Variants in SUCO observed in about 807,000 individuals in gnomAD.
SUCO encodes the protein SUN domain-containing ossification factor.
SUCO carries 57 observed loss-of-function variants against 148.1 expected under a neutral mutation model. That is an observed-to-expected ratio of 0.38 (90% confidence interval 0.31 to 0.48). SUCO has a LOEUF of 0.48. Ranked by LOEUF, SUCO falls within the 20% of genes least tolerant of loss-of-function variation. The pLI is 0.96. For missense variants in SUCO, 1,331 were observed against 1,468.2 expected, an observed-to-expected ratio of 0.91 and a Z score of 1.53; for synonymous variants, 470 against 502.7, an observed-to-expected ratio of 0.93 and a Z score of 0.87.
intron 6 of SUCO, among the ~76,000 whole-genome samples, chr1:172,559,701 G>A (rs1654002315): frequency 6.6e-6 from 1 of 152,154 alleles, no homozygotes; most frequent in Non-Finnish European, 1.5e-5. Context: ...AATTTCTAGG[G>A]AAAAGGTGGT....
Position 172,590,778 on chromosome 1 carries a change from A to G in SUCO, c.2826-206A>G, listed in dbSNP as rs76396942. ...CCCATACCTGCTCTTACTTTTCCCTACCTCCATCTGCATCCCAAGGGAACC... is the reference window on the plus strand; with the variant it reads ...CCCATACCTGCTCTTACTTTTCCCTGCCTCCATCTGCATCCCAAGGGAACC... On this transcript the variant is annotated intron_variant, in intron 18 of 23. Coordinates refer to ENST00000263688, the MANE Select transcript of SUCO (RefSeq NM_014283.5). Among the ~76,000 whole-genome samples, 581 of 152,046 alleles carry G rather than the reference A, an allele frequency of 3.8e-3. 3 individuals carry two copies. Among genetic ancestry groups the G allele is most frequent in the African/African-American group, 0.013 (534 of 41,438 alleles).
chr1:172,545,817 C>T (rs2149222007), intron 1 of SUCO, among the ~76,000 whole-genome samples: 1 of 152,294 alleles, frequency 6.6e-6, no homozygotes, highest in Middle Eastern at 3.4e-3. Context: ...TATTTCAGTT[C>T]CTCCTAATAA....
At position 172,539,212 on chromosome 1, in the gene SUCO, T is replaced by G. The variant is rs570432409; in HGVS notation, c.62+5715T>G. On this transcript the variant is annotated intron_variant, in intron 1 of 23. Transcript: ENST00000263688. ...GGAAACTTATAAAAATTTAAGTGCTTTATTATTCTCAAGTCATCTTCAAAT... is the reference window on the plus strand; with the variant it reads ...GGAAACTTATAAAAATTTAAGTGCTGTATTATTCTCAAGTCATCTTCAAAT... Among the ~76,000 whole-genome samples, 173 of 152,330 alleles carry G rather than the reference T, an allele frequency of 1.1e-3. 2 individuals carry two copies. Among genetic ancestry groups the G allele is most frequent in the Non-Finnish European group, 1.9e-3 (130 of 68,018 alleles).
At chr1:172,561,328 G>T (rs1409229556) in intron 6 of SUCO, among the ~76,000 whole-genome samples, 1 of 152,142 alleles carries the variant, frequency 6.6e-6, no homozygotes, top group Non-Finnish European at 1.5e-5. Context: ...GTAAGGGTTT[G>T]GGTATTTCAG....
At chr1:172,596,270 G>T (rs1273131822) in intron 19 of SUCO, among the ~76,000 whole-genome samples, 1 of 152,210 alleles carries the variant, frequency 6.6e-6, no homozygotes, top group East Asian at 1.9e-4. Context: ...GTTGTCTGAA[G>T]CCTACTTCTG....
chr1:172,574,110 G>A (rs1258747718), intron 10 of SUCO, 112 bp downstream of exon 10: 2 of 652,434 alleles, frequency 3.1e-6, no homozygotes, highest in Non-Finnish European at 5.3e-6. Flanking sequence ...ATTTTTTAAA[G>A]GTCAGTTTGT....
chr1:172,541,905 C>CTGTT (rs971539247), intron 1 of SUCO: 40 of 920,644 alleles, frequency 4.3e-5, no homozygotes, highest in Non-Finnish European at 4.8e-5. Context: ...TGTTTGTTTT[C>CTGTT]TGTTTGTTTG....
chr1:172,557,721 A>G lies in SUCO; in HGVS notation c.659A>G (p.Lys220Arg). 3.7e-6 allele frequency: 6 copies of G among 1,613,206 alleles called. No homozygotes were observed. Among genetic ancestry groups the G allele is most frequent in the Middle Eastern group, 1.7e-4 (1 of 6,002 alleles). Residue 220 changes from lysine (K) to arginine (R), a missense_variant, in exon 6 of 24, where the codon AAA becomes AGA. Transcript: ENST00000263688. ...GKITKSEFES[K>R]VSASEQGGGD... ...ATAACAAAATCAGAATTTGAATCAA[A>G]AGTTTCAGCAAGTGAACAGGGCGGT... is the stretch of plus-strand genomic sequence containing the variant.
Position 172,589,677 on chromosome 1 carries a change from C to G in SUCO, c.2576C>G (p.Ser859Cys), listed in dbSNP as rs1421944276. The part of the protein sequence containing the change: ...AKQTLISVVD[S>C]SSLPEVKEEE... The stretch of plus-strand genomic sequence containing the variant: ...CAAACTTTGATTTCTGTTGTGGATT[C>G]TTCTTCATTACCTGAAGTAAAAGAA... Residue 859 changes from serine (S) to cysteine (C), a missense_variant, in exon 18 of 24, where the codon TCT becomes TGT. Ser to Cys is a moderately radical substitution (Grantham distance 112, BLOSUM62 -1). Transcript: ENST00000263688. 6.2e-7 allele frequency: 1 copy of G among 1,613,830 alleles called. No individual in the cohort carries two copies. Among genetic ancestry groups the G allele is most frequent in the Non-Finnish European group, 8.5e-7 (1 of 1,179,848 alleles).
intron 17 of SUCO, among the ~76,000 whole-genome samples, chr1:172,587,591 A>G (rs966716022): frequency 2.0e-5 from 3 of 152,124 alleles, no homozygotes; most frequent in African/African-American, 7.2e-5. Context: ...ATATATGGCT[A>G]TAAATATCTT....
At chr1:172,552,565 T>A in intron 2 of SUCO, 1 of 896,356 alleles carries the variant, frequency 1.1e-6, no homozygotes, top group Non-Finnish European at 1.3e-6. Flanking sequence ...TTTGGGCATA[T>A]TTAGAGTGGA....
At chr1:172,592,860 T>C (rs111964238) in intron 19 of SUCO, among the ~76,000 whole-genome samples, 7,536 of 152,222 alleles carry the variant, frequency 0.05, 577 homozygotes, top group African/African-American at 0.17. Context: ...CTATAAATTA[T>C]CTTGGGCAGT....
chr1:172,600,014 T>C (rs748075545), intron 19 of SUCO, 50 bp from the exon 20 acceptor site: 2 of 1,234,276 alleles, frequency 1.6e-6, no homozygotes, highest in Non-Finnish European at 2.3e-6. Flanking sequence ...ATTTATAATG[T>C]TAATAGTTTG....
In SUCO at chr1:172,608,760, T is replaced by C; in HGVS notation, c.3279T>C (p.Asp1093=). Residue 1093 remains aspartate, a synonymous_variant, in exon 23 of 24, where the codon GAT becomes GAC. Coordinates refer to ENST00000263688, the MANE Select transcript of SUCO (RefSeq NM_014283.5). ...QLTGKEVDPN[D]LYIVEPLKFS... is the part of the protein sequence containing the mutation. ...TTTTACTTACAGTAGACCCAAATGA[T>C]TTGTACATTGTAGAACCCCTCAAGT... The C allele has an allele frequency of 6.3e-7, 1 of 1,586,158 alleles. No homozygotes were observed. Among genetic ancestry groups the C allele is most frequent in the South Asian group, 1.2e-5 (1 of 86,764 alleles).
chr1:172,579,288 C>G, intron 15 of SUCO, 21 bp downstream of exon 15: 1 of 1,469,882 alleles, frequency 6.8e-7, no homozygotes, highest in Non-Finnish European at 9.5e-7. Flanking sequence ...TGAGGATTTT[C>G]TATTCATTCT....
chr1:172,600,886 G>A (rs1325122065), intron 20 of SUCO, among the ~76,000 whole-genome samples: 1 of 152,130 alleles, frequency 6.6e-6, no homozygotes, highest in Non-Finnish European at 1.5e-5. Flanking sequence ...TAGGGCAAAG[G>A]ACTGGAGAGT....
intron 23 of SUCO, chr1:172,609,592 C>T (rs1446862834): frequency 1.0e-6 from 1 of 984,764 alleles, no homozygotes; most frequent in Admixed American, 6.2e-5. Context: ...TCATAGGTAG[C>T]AGGTAAGCAA....
Position 172,553,296 on chromosome 1 carries a change from G to A in SUCO, c.214G>A (p.Gly72Arg). Residue 72 changes from glycine to arginine, a missense_variant, in exon 3 of 24, where the codon GGA becomes AGA. Around this residue, in one of 3 missense-constraint regions of SUCO, gnomAD observed 992 missense variants for 1,093.5 expected, o/e 0.91. Transcript: ENST00000263688. ...GGGACCTATCAATGCCGAATCATTG[G>A]GAAAATCAGGTTCAAATTTACCTAT... ...REGPINAESL[G>R]KSGSNLPISP... is the part of the protein sequence containing the mutation. The A allele has an allele frequency of 6.3e-7, 1 of 1,595,978 alleles. No individual in the cohort carries two copies. Among genetic ancestry groups the A allele is most frequent in the Non-Finnish European group, 8.6e-7 (1 of 1,168,676 alleles).
chr1:172,606,851 G>T (rs900990171), intron 22 of SUCO, among the ~76,000 whole-genome samples: 1 of 151,564 alleles, frequency 6.6e-6, no homozygotes, highest in Non-Finnish European at 1.5e-5. Flanking sequence ...TTACTTCTCC[G>T]TATATCTTCC....
Sources: gnomAD v4.1 joint callset for allele counts (sites outside exome capture counted in the v4.1 genomes callset) on GRCh38, gnomAD v4.1.1 for gene constraint, gnomAD v4.1.1 regional missense constraint, MANE v1.5 for transcripts, NCBI Gene and HGNC (gene_info 2026-07-23, HGNC 2026-07-21) for gene names.